FUCA1: variants seen among roughly 807,000 people sequenced by gnomAD.
The protein encoded by FUCA1 is tissue alpha-L-fucosidase.
In FUCA1, 52 loss-of-function variants were observed where a neutral mutation model predicts 56.8. The observed-to-expected ratio is 0.92, with a 90% CI of 0.73 to 1.15. FUCA1 has a LOEUF of 1.15. Ranked by LOEUF, FUCA1 falls within the 50% of genes most tolerant of loss-of-function variation. The pLI is 0.00. For synonymous variants in FUCA1, 230 were observed against 226.6 expected, an observed-to-expected ratio of 1.02 and a Z score of -0.14; for missense variants, 568 against 592.6, an observed-to-expected ratio of 0.96 and a Z score of 0.43.
chr1:23,847,129 C>T (rs1010784814), intron 6 of FUCA1, among the ~76,000 whole-genome samples: 4 of 151,418 alleles, frequency 2.6e-5, no homozygotes, highest in African/African-American at 9.8e-5. Context: ...AGGAGGCAGT[C>T]TATAAAACTC....
At chr1:23,857,471 C>T (rs1397186226) in intron 4 of FUCA1, among the ~76,000 whole-genome samples, 1 of 151,934 alleles carries the variant, frequency 6.6e-6, no homozygotes, top group African/African-American at 2.4e-5. Flanking sequence ...TGGGAGGTCA[C>T]AAACATTCAT....
chr1:23,856,694 T>A (rs1639397400), intron 4 of FUCA1, among the ~76,000 whole-genome samples: 2 of 152,120 alleles, frequency 1.3e-5, no homozygotes, highest in Non-Finnish European at 2.9e-5. Context: ...TTAGGAATTA[T>A]TGTTTAAGAG....
intron 2 of FUCA1, among the ~76,000 whole-genome samples, chr1:23,864,087 C>CT (rs765991884): frequency 0.021 from 2,688 of 130,966 alleles, 66 homozygotes; most frequent in African/African-American, 0.042. Flanking sequence ...TCTTTTTTTC[C>CT]TTTTTTTTTT....
chr1:23,863,005 C>T (rs982514495), intron 3 of FUCA1, 129 bp downstream of exon 3: 2 of 992,718 alleles, frequency 2.0e-6, no homozygotes, highest in Middle Eastern at 2.1e-4. Flanking sequence ...ATACAACCAC[C>T]ACTTTTTATT....
chr1:23,867,911 C>T lies in FUCA1; in HGVS notation c.376G>A (p.Ala126Thr). The change falls in exon 1 of 8, where the codon GCC becomes ACC. Residue 126 changes from alanine (A) to threonine (T), a missense_variant. By Grantham distance (58) the Ala-to-Thr change is moderately conservative. Coordinates refer to ENST00000374479, the MANE Select transcript of FUCA1 (RefSeq NM_000147.5). This position sits in a 1 kb window ranked among gnomAD's most constrained non-coding sequence, Gnocchi z 4.9. The part of the protein sequence containing the change: ...HPEEWADLFQ[A>T]AGAKYVVLTT... ...GACCACACTCACTTGGCGCCCGCGG[C>T]CTGGAAGAGGTCGGCCCACTCCTCC... The T allele has an allele frequency of 6.5e-7, 1 of 1,550,336 alleles. No individual in the cohort carries two copies.
At chr1:23,863,652 G>A (rs1639557871) in intron 2 of FUCA1, among the ~76,000 whole-genome samples, 1 of 152,156 alleles carries the variant, frequency 6.6e-6, no homozygotes, top group South Asian at 2.1e-4. Context: ...ATGAGTTTGA[G>A]ACCAGCCTGG....
At chr1:23,858,453 A>G (rs1371584964) in intron 4 of FUCA1, among the ~76,000 whole-genome samples, 1 of 152,172 alleles carries the variant, frequency 6.6e-6, no homozygotes, top group African/African-American at 2.4e-5. Context: ...TCCACAACAA[A>G]TCTAGAACAT....
chr1:23,857,618 T>A (rs1639420671), intron 4 of FUCA1, among the ~76,000 whole-genome samples: 1 of 150,960 alleles, frequency 6.6e-6, no homozygotes. Context: ...TGCCTCAGCC[T>A]CTCGAGTAGC....
At chr1:23,864,557 G>T (rs1331204166) in intron 2 of FUCA1, among the ~76,000 whole-genome samples, 9 of 152,074 alleles carry the variant, frequency 5.9e-5, no homozygotes, top group Non-Finnish European at 1.3e-4. Context: ...ATGACCCAGG[G>T]ACTAAATAAA....
intron 1 of FUCA1, 52 bp from the exon 2 acceptor site, chr1:23,865,677 G>A: frequency 6.2e-7 from 1 of 1,609,952 alleles, no homozygotes; most frequent in Admixed American, 1.7e-5. Context: ...GAACTTGCAT[G>A]AACTTGCCCA....
At position 23,867,997 on chromosome 1, in the gene FUCA1, T is replaced by C. The variant is rs1328814351; in HGVS notation, c.290A>G (p.Tyr97Cys). 1 of 1,603,498 alleles carries C rather than the reference T, an allele frequency of 6.2e-7. No homozygotes were observed. The highest frequency in any genetic ancestry group is 8.5e-7 in the Non-Finnish European group (1 of 1,176,332). ...GTCGGCGTAGCTGAAGCCGGGCGGGTAGTTGTCGCGCATGAAGCGCTGGTA... is the reference window on the plus strand; with the variant it reads ...GTCGGCGTAGCTGAAGCCGGGCGGGCAGTTGTCGCGCATGAAGCGCTGGTA... ...PQYQRFMRDN[Y>C]PPGFSYADFG... Residue 97 changes from tyrosine to cysteine, a missense_variant, in exon 1 of 8, where the codon TAC becomes TGC. Coordinates refer to ENST00000374479, the MANE Select transcript of FUCA1 (RefSeq NM_000147.5). The surrounding 1 kb of genome is among the most constrained non-coding windows in gnomAD (Gnocchi z 4.9).
At position 23,864,113 on chromosome 1, in the gene FUCA1, G is replaced by A. The variant is rs532459638; in HGVS notation, c.525-842C>T. ...TTTTTTTTTTTTTTTTTGAGATGGA[G>A]TCTCGCTCTGTCGCCCAGGCTGGAG... On this transcript the variant is annotated intron_variant, in intron 2 of 7. Transcript: ENST00000374479. Among the ~76,000 whole-genome samples the A allele has an allele frequency of 5.1e-5, 7 of 137,798 alleles. No individual in the cohort carries two copies. The South Asian group carries it at 1.6e-3, about 32-fold the overall frequency. 90.4% of individuals were successfully genotyped at this position (137,798 alleles called of 152,430 possible).
intron 5 of FUCA1, among the ~76,000 whole-genome samples, chr1:23,853,452 C>T (rs1348630000): frequency 6.6e-6 from 1 of 150,736 alleles, no homozygotes; most frequent in Non-Finnish European, 1.5e-5. Context: ...GGGGGTCAGC[C>T]CCCCGCCCAG....
At chr1:23,849,272 C>T (rs1420248835) in intron 5 of FUCA1, among the ~76,000 whole-genome samples, 1 of 152,194 alleles carries the variant, frequency 6.6e-6, no homozygotes, top group Non-Finnish European at 1.5e-5. Context: ...AAGCATGAGT[C>T]ACCGCACCTG....
intron 2 of FUCA1, among the ~76,000 whole-genome samples, chr1:23,864,861 C>T (rs1380926454): frequency 3.3e-5 from 5 of 152,050 alleles, no homozygotes; most frequent in African/African-American, 4.8e-5. Context: ...AACGCCACCA[C>T]GCCCGGCTAA....
chr1:23,864,790 C>A (rs939846166), intron 2 of FUCA1, among the ~76,000 whole-genome samples: 1 of 151,652 alleles, frequency 6.6e-6, no homozygotes, highest in Non-Finnish European at 1.5e-5. Context: ...CTGCAACCTC[C>A]GCCTCCTGGG....
At chr1:23,846,042 G>T in intron 7 of FUCA1, 32 bp downstream of exon 7, 1 of 1,567,974 alleles carries the variant, frequency 6.4e-7, no homozygotes, top group Non-Finnish European at 8.8e-7. Flanking sequence ...TTTACAGAAA[G>T]TTACATCTTA....
chr1:23,849,268 G>A, intron 5 of FUCA1, among the ~76,000 whole-genome samples: 1 of 152,138 alleles, frequency 6.6e-6, no homozygotes, highest in East Asian at 1.9e-4. Flanking sequence ...TCACAAGCAT[G>A]AGTCACCGCA....
intron 2 of FUCA1, among the ~76,000 whole-genome samples, chr1:23,864,165 C>A (rs2148448298): frequency 6.7e-6 from 1 of 150,114 alleles, no homozygotes; most frequent in South Asian, 2.1e-4. Context: ...CGGCTCACTG[C>A]AAGCTCTACC....
Sources: allele counts gnomAD v4.1 joint callset (sites outside exome capture counted in the v4.1 genomes callset), GRCh38; gene constraint gnomAD v4.1.1; non-coding constraint Gnocchi (gnomAD v3.1); transcripts MANE v1.5; gene names NCBI Gene and HGNC (gene_info 2026-07-23, HGNC 2026-07-21).